The following CDH18 variants were observed in gnomAD, a reference collection of about 807,000 sequenced individuals.
The protein encoded by CDH18 is cadherin 18, also known as cadherin-18.
In CDH18, 31 loss-of-function variants were observed where a neutral mutation model predicts 67.9. The observed-to-expected ratio is 0.46, with a 90% CI of 0.34 to 0.62. CDH18 has a LOEUF of 0.62. Among genes scored for constraint, CDH18 ranks in the 20% least tolerant of loss-of-function variants. The probability of loss-of-function intolerance (pLI) is 0.01; values close to 1 mark genes in which losing one functional copy is unlikely to be tolerated. For missense variants in CDH18, 890 were observed against 975.5 expected (o/e 0.91, Z 1.17); for synonymous variants, 362 against 347.2 (o/e 1.04, Z -0.48).
At chr5:20,550,493 AT>A (rs1233519578) in intron 1 of CDH18, among the ~76,000 whole-genome samples, 2 of 152,170 alleles carry the variant, frequency 1.3e-5, no homozygotes, top group Non-Finnish European at 2.9e-5. Context: ...CTAAATCTGG[AT>A]TTTCAATTTA....
intron 2 of CDH18, among the ~76,000 whole-genome samples, chr5:20,216,830 C>T (rs953024435): frequency 3.3e-5 from 5 of 151,708 alleles, no homozygotes; most frequent in Admixed American, 6.6e-5. Flanking sequence ...ATTTAATAAT[C>T]GAACTCAATA....
At chr5:19,750,950 A>G (rs1035952279) in intron 3 of CDH18, among the ~76,000 whole-genome samples, 1 of 152,132 alleles carries the variant, frequency 6.6e-6, no homozygotes, top group African/African-American at 2.4e-5. Flanking sequence ...ATCTCATCAC[A>G]TAACAAAGTA....
At chr5:20,054,126 T>C (rs576423024) in intron 2 of CDH18, among the ~76,000 whole-genome samples, 18 of 152,294 alleles carry the variant, frequency 1.2e-4, no homozygotes, top group African/African-American at 3.8e-4. Flanking sequence ...AATTTGTATA[T>C]TTCATATACT....
At chr5:20,245,899 T>C (rs1335215370) in intron 2 of CDH18, among the ~76,000 whole-genome samples, 1 of 152,114 alleles carries the variant, frequency 6.6e-6, no homozygotes, top group Non-Finnish European at 1.5e-5. Context: ...AATGTTAACA[T>C]GATTTTTGCT....
intron 2 of CDH18, among the ~76,000 whole-genome samples, chr5:19,935,300 T>C (rs1246026935): frequency 6.6e-6 from 1 of 151,348 alleles, no homozygotes. Context: ...ATATTTTCTA[T>C]AGACATTCTT....
At chr5:20,535,812 T>C (rs77488699) in intron 1 of CDH18, among the ~76,000 whole-genome samples, 2,822 of 152,244 alleles carry the variant, frequency 0.019, 99 homozygotes, top group African/African-American at 0.063. Context: ...AAAGTGAATA[T>C]ATCTGGAGAT....
chr5:19,625,851 G>GA (rs1265933390), intron 5 of CDH18, among the ~76,000 whole-genome samples: 1 of 152,040 alleles, frequency 6.6e-6, no homozygotes, highest in Admixed American at 6.6e-5. Flanking sequence ...TGGAACTTGG[G>GA]ATTCAAACAA....
intron 1 of CDH18, among the ~76,000 whole-genome samples, chr5:20,518,906 C>T (rs1755544436): frequency 1.3e-5 from 2 of 151,952 alleles, no homozygotes; most frequent in South Asian, 2.1e-4. Context: ...ACAAGATGTA[C>T]CAAGTGAAGT....
chr5:20,498,146 A>G (rs1754021196), intron 1 of CDH18, among the ~76,000 whole-genome samples: 1 of 152,122 alleles, frequency 6.6e-6, no homozygotes, highest in Non-Finnish European at 1.5e-5. Context: ...CAGGTGAACC[A>G]AGACAATCCT....
rs116719617 is a variant in CDH18, at chr5:19,651,944, A to G, written c.644-39343T>C. Among the ~76,000 whole-genome samples the G allele has an allele frequency of 5.9e-5, 9 of 152,160 alleles. No individual in the cohort carries two copies. In the East Asian group the frequency reaches 1.4e-3, roughly 23 times the overall value. On this transcript the variant is annotated intron_variant, in intron 5 of 12. Coordinates refer to ENST00000382275, the MANE Select transcript of CDH18 (RefSeq NM_004934.5). ...TAAAAGAAAAATATACCATATATAC[A>G]TATTAACACTTGTAAGTTTCTTTGC...
Position 19,483,427 on chromosome 5 carries a change from T to G in CDH18, c.1756A>C (p.Ile586Leu), listed in dbSNP as rs200903562. The G allele has an allele frequency of 2.3e-5, 37 of 1,614,072 alleles. No individual in the cohort carries two copies. The East Asian group carries it at 6.9e-4, about 30-fold the overall frequency. The stretch of plus-strand genomic sequence containing the variant: ...TCTCTCTCGCATGCACAAACCCTGA[T>G]GGTGAGGGTGCTGCTGCTGCTGAGA... ...PSLSSSSTLT[I>L]RVCACERDGR... The change falls in exon 12 of 13, where the codon ATC becomes CTC. Residue 586 changes from isoleucine to leucine, a missense_variant. Coordinates refer to ENST00000382275, the MANE Select transcript of CDH18 (RefSeq NM_004934.5).
intron 2 of CDH18, among the ~76,000 whole-genome samples, chr5:20,083,871 C>T (rs1298191712): frequency 1.3e-5 from 2 of 152,082 alleles, no homozygotes; most frequent in African/African-American, 4.8e-5. Context: ...GAAAGACTTG[C>T]CCCCATGATT....
chr5:20,417,618 A>C (rs370513554), intron 1 of CDH18, among the ~76,000 whole-genome samples: 2 of 152,186 alleles, frequency 1.3e-5, no homozygotes, highest in East Asian at 1.9e-4. Flanking sequence ...ACGACATGTC[A>C]TTTATTTGGT....
intron 1 of CDH18, among the ~76,000 whole-genome samples, chr5:20,475,235 T>G (rs569866328): frequency 6.6e-6 from 1 of 152,318 alleles, no homozygotes; most frequent in African/African-American, 2.4e-5. Flanking sequence ...GTGTAAGAAT[T>G]TATGCATTAT....
At chr5:19,517,918 G>A (rs749353672) in intron 10 of CDH18, among the ~76,000 whole-genome samples, 64 of 151,498 alleles carry the variant, frequency 4.2e-4, no homozygotes, top group African/African-American at 1.4e-3. Flanking sequence ...CTTGCACTAT[G>A]TCTAAGCTGC....
chr5:20,004,166 T>A (rs1245141613), intron 2 of CDH18, among the ~76,000 whole-genome samples: 1 of 152,202 alleles, frequency 6.6e-6, no homozygotes, highest in Non-Finnish European at 1.5e-5. Flanking sequence ...GGCCACGACA[T>A]GGTCTGGATC....
At chr5:20,059,244 C>T (rs1183593939) in intron 2 of CDH18, among the ~76,000 whole-genome samples, 4 of 151,840 alleles carry the variant, frequency 2.6e-5, no homozygotes, top group Admixed American at 6.6e-5. Context: ...GTCTGGCTAG[C>T]GGTGTGTCTA....
intron 2 of CDH18, among the ~76,000 whole-genome samples, chr5:20,047,911 A>T (rs1741053656): frequency 6.6e-6 from 1 of 151,824 alleles, no homozygotes; most frequent in African/African-American, 2.4e-5. Context: ...ATCTAAAACT[A>T]AGAATGTTTA....
Position 19,734,184 on chromosome 5 carries a change from A to G in CDH18, c.524-12718T>C, listed in dbSNP as rs76135850. On this transcript the variant is annotated intron_variant, in intron 4 of 12. Coordinates refer to ENST00000382275, the MANE Select transcript of CDH18 (RefSeq NM_004934.5). ...TTTCCAAAAAAATGAAACAAAAAAA[A>G]GCAGCTGGTTGATTGAAAGAGAAAT... 5.2e-3 allele frequency among the ~76,000 whole-genome samples: 796 copies of G among 152,330 alleles called. 2 individuals carry two copies. The highest frequency in any genetic ancestry group is 8.7e-3 in the Non-Finnish European group (590 of 68,036).
Sources: allele counts gnomAD v4.1 joint callset (sites outside exome capture counted in the v4.1 genomes callset), GRCh38; gene constraint gnomAD v4.1.1; transcripts MANE v1.5; gene names NCBI Gene and HGNC (gene_info 2026-07-23, HGNC 2026-07-21).